Variants in PPP2R2A observed in about 807,000 individuals in gnomAD.
PPP2R2A encodes protein phosphatase 2 regulatory subunit Balpha, also known as serine/threonine-protein phosphatase 2A 55 kDa regulatory subunit B alpha isoform.
Under a neutral mutation model 53.2 loss-of-function variants are expected in PPP2R2A, and 9 were observed. The ratio of observed to expected loss-of-function variants is 0.17; its 90% CI spans 0.10 to 0.30. The LOEUF is 0.30. Ranked by LOEUF, PPP2R2A falls within the 10% of genes least tolerant of loss-of-function variation. The pLI is 1.00. For synonymous variants in PPP2R2A, 169 were observed against 174.2 expected, an observed-to-expected ratio of 0.97 and a Z score of 0.23; for missense variants, 235 against 534.6, an observed-to-expected ratio of 0.44 and a Z score of 5.53.
At chr8:26,303,729 G>A (rs1051801066) in intron 2 of PPP2R2A, among the ~76,000 whole-genome samples, 1 of 151,830 alleles carries the variant, frequency 6.6e-6, no homozygotes, top group African/African-American at 2.4e-5. Context: ...TTTCTGTCCA[G>A]GTTTAAACAC....
intron 7 of PPP2R2A, chr8:26,363,295 T>G (rs1456108028): frequency 6.1e-6 from 1 of 162,934 alleles, no homozygotes; most frequent in Non-Finnish European, 1.3e-5. Flanking sequence ...TCATGAAAAT[T>G]GATACATGCC....
chr8:26,310,468 T>C (rs1035935930), intron 2 of PPP2R2A, among the ~76,000 whole-genome samples: 2 of 151,552 alleles, frequency 1.3e-5, no homozygotes, highest in African/African-American at 4.9e-5. Context: ...TATGTTTTTT[T>C]CCAGTTAACA....
At chr8:26,342,931 C>A (rs144834620) in intron 3 of PPP2R2A, among the ~76,000 whole-genome samples, 1 of 152,102 alleles carries the variant, frequency 6.6e-6, no homozygotes, top group African/African-American at 2.4e-5. Context: ...GTGGCTGATG[C>A]CTGCAGTCCC....
At chr8:26,330,861 G>T (rs1803332434) in intron 2 of PPP2R2A, among the ~76,000 whole-genome samples, 1 of 152,074 alleles carries the variant, frequency 6.6e-6, no homozygotes, top group African/African-American at 2.4e-5. Context: ...TGAGACACTT[G>T]GGATAGATTT....
At chr8:26,293,611 A>G in intron 1 of PPP2R2A, 55 bp from the exon 2 acceptor site, 1 of 1,530,172 alleles carries the variant, frequency 6.5e-7, no homozygotes, top group South Asian at 1.1e-5. Context: ...CTTTGTGTTT[A>G]CGAGAGTCAA....
intron 3 of PPP2R2A, among the ~76,000 whole-genome samples, chr8:26,353,713 T>C (rs1023469087): frequency 6.6e-6 from 1 of 152,238 alleles, no homozygotes; most frequent in African/African-American, 2.4e-5. Flanking sequence ...AGTCCCTTTA[T>C]GAGATAGCTT....
intron 2 of PPP2R2A, among the ~76,000 whole-genome samples, chr8:26,309,399 A>G (rs1802170614): frequency 1.3e-5 from 2 of 152,216 alleles, no homozygotes; most frequent in Admixed American, 6.5e-5. Flanking sequence ...GCTCTCAGCT[A>G]GGCTTTTTTC....
rs887070737 is a variant in PPP2R2A, at chr8:26,291,737, C to G, written c.-83C>G. The G allele has an allele frequency of 7.9e-5, 96 of 1,218,564 alleles. No homozygotes were observed. The East Asian group carries it at 3.2e-3, about 41-fold the overall frequency. The allele number at this position is 1,218,564 out of a possible 1,614,324, so 75.5% of individuals were successfully genotyped here. A position where few individuals can be genotyped will look rare whatever the true frequency, so the allele number is the denominator to read the frequency against. On this transcript the variant is annotated 5_prime_UTR_variant, in exon 1 of 10. Transcript: ENST00000380737. ...CATCCGCCGCCATCCGCCCTCTCTA[C>G]CCCCCCATCCCCAGGTGAGGGGGGT...
chr8:26,364,738 A>G (rs1000960653), intron 8 of PPP2R2A, among the ~76,000 whole-genome samples: 2 of 152,260 alleles, frequency 1.3e-5, no homozygotes, highest in African/African-American at 4.8e-5. Flanking sequence ...TTTGCTTTTC[A>G]AAGTATAGTT....
At chr8:26,355,042 A>G (rs1340244705) in intron 4 of PPP2R2A, among the ~76,000 whole-genome samples, 1 of 152,218 alleles carries the variant, frequency 6.6e-6, no homozygotes, top group Non-Finnish European at 1.5e-5. Context: ...CATGAGTGCA[A>G]GTGCTCAATA....
At chr8:26,342,503 G>C (rs1803992962) in intron 3 of PPP2R2A, among the ~76,000 whole-genome samples, 1 of 152,152 alleles carries the variant, frequency 6.6e-6, no homozygotes, top group African/African-American at 2.4e-5. Context: ...CAAAGTAGCT[G>C]GTTTCCTACT....
At position 26,362,925 on chromosome 8, in the gene PPP2R2A, A is replaced by G; in HGVS notation, c.802+77A>G. 7.1e-7 allele frequency: 1 copy of G among 1,407,074 alleles called. No individual in the cohort carries two copies. The highest frequency in any genetic ancestry group is 9.8e-7 in the Non-Finnish European group (1 of 1,022,494). 87.2% of individuals were successfully genotyped at this position (1,407,074 alleles called of 1,614,324 possible). On this transcript the variant is annotated intron_variant, in intron 7 of 9. Transcript: ENST00000380737. This position sits in a 1 kb window ranked among gnomAD's most constrained non-coding sequence, Gnocchi z 4.4. ...AATAAGCCTCAGACATGATAAGTACAATTACAGAGGTTCAAAGTCTTAAAC... is the reference window on the plus strand; with the variant it reads ...AATAAGCCTCAGACATGATAAGTACGATTACAGAGGTTCAAAGTCTTAAAC...
At chr8:26,294,960 A>G (rs1379821852) in intron 2 of PPP2R2A, among the ~76,000 whole-genome samples, 1 of 152,176 alleles carries the variant, frequency 6.6e-6, no homozygotes, top group African/African-American at 2.4e-5. Flanking sequence ...GTGTAAATCA[A>G]GGTTTTCTGA....
At position 26,360,072 on chromosome 8, in the gene PPP2R2A, A is replaced by T; in HGVS notation, c.347-97A>T. On this transcript the variant is annotated intron_variant, in intron 4 of 9. Coordinates refer to ENST00000380737, the MANE Select transcript of PPP2R2A (RefSeq NM_002717.4). The surrounding 1 kb of genome is among the most constrained non-coding windows in gnomAD (Gnocchi z 4.5). ...ATTAGGGTTTTTTTTTTTTTCGTGG[A>T]ATCCTTTTACGTGAAATGTGAAATA... The T allele has an allele frequency of 1.7e-6, 1 of 597,604 alleles. No individual in the cohort carries two copies. Among genetic ancestry groups the T allele is most frequent in the Non-Finnish European group, 2.8e-6 (1 of 359,468 alleles). The allele number at this position is 597,604 out of a possible 1,614,324, so 37.0% of individuals were successfully genotyped here. A position where few individuals can be genotyped will look rare whatever the true frequency, so the allele number is the denominator to read the frequency against.
chr8:26,347,279 A>G (rs1404779165), intron 3 of PPP2R2A, among the ~76,000 whole-genome samples: 2 of 151,942 alleles, frequency 1.3e-5, no homozygotes, highest in African/African-American at 4.8e-5. Context: ...CCATTTTGAG[A>G]GAAACAAGGT....
intron 1 of PPP2R2A, chr8:26,293,131 C>T: frequency 9.1e-7 from 1 of 1,097,908 alleles, no homozygotes; most frequent in Non-Finnish European, 1.3e-6. Flanking sequence ...CTTTTCCTCT[C>T]TGTCTGGAGC....
intron 2 of PPP2R2A, among the ~76,000 whole-genome samples, chr8:26,323,200 C>T (rs1241336102): frequency 6.6e-6 from 1 of 152,180 alleles, no homozygotes; most frequent in Non-Finnish European, 1.5e-5. Context: ...GCTGATGATA[C>T]CCTAATTATA....
chr8:26,362,341 A>C lies in PPP2R2A; in HGVS notation c.638-343A>C, dbSNP rs1805149407. Reference sequence around the variant, plus strand: ...GAAACCCCGTCTCTACTAAAAATACAAAAAAAAAAAAAAATTAGTCAGTTG... The same window carrying C: ...GAAACCCCGTCTCTACTAAAAATACCAAAAAAAAAAAAAATTAGTCAGTTG... On this transcript the variant is annotated intron_variant, in intron 6 of 9. Coordinates refer to ENST00000380737, the MANE Select transcript of PPP2R2A (RefSeq NM_002717.4). This position sits in a 1 kb window ranked among gnomAD's most constrained non-coding sequence, Gnocchi z 4.4. Among the ~76,000 whole-genome samples the C allele has an allele frequency of 7.4e-6, 1 of 134,590 alleles. No homozygotes were observed. The highest frequency in any genetic ancestry group is 2.7e-5 in the African/African-American group (1 of 36,800). The allele number at this position is 134,590 out of a possible 152,430, so 88.3% of individuals were successfully genotyped here. A position where few individuals can be genotyped will look rare whatever the true frequency, so the allele number is the denominator to read the frequency against.
Position 26,362,626 on chromosome 8 carries a change from G to A in PPP2R2A, c.638-58G>A, listed in dbSNP as rs1299103574. 3 of 1,530,014 alleles carry A rather than the reference G, an allele frequency of 2.0e-6. No homozygotes were observed. The highest frequency in any genetic ancestry group is 1.8e-4 in the Middle Eastern group (1 of 5,700). 94.8% of individuals were successfully genotyped at this position (1,530,014 alleles called of 1,614,324 possible). On this transcript the variant is annotated intron_variant, in intron 6 of 9. Coordinates refer to ENST00000380737, the MANE Select transcript of PPP2R2A (RefSeq NM_002717.4). This position sits in a 1 kb window ranked among gnomAD's most constrained non-coding sequence, Gnocchi z 4.4. Reference sequence around the variant, plus strand: ...TGAATGGGTTTTAGGTTTGAGAAATGTAGAATTATATTTGCCCTTTTTTCT... The same window carrying A: ...TGAATGGGTTTTAGGTTTGAGAAATATAGAATTATATTTGCCCTTTTTTCT...
Sources: allele counts gnomAD v4.1 joint callset (sites outside exome capture counted in the v4.1 genomes callset), GRCh38; gene constraint gnomAD v4.1.1; non-coding constraint Gnocchi (gnomAD v3.1); transcripts MANE v1.5; gene names NCBI Gene and HGNC (gene_info 2026-07-23, HGNC 2026-07-21).